HLCS: variants seen among roughly 807,000 people sequenced by gnomAD.
HLCS encodes the protein biotin--protein ligase.
In HLCS, 53 loss-of-function variants were observed where a neutral mutation model predicts 75.0. That is an observed-to-expected ratio of 0.71 (90% CI 0.57 to 0.89). The LOEUF (loss-of-function observed/expected upper bound fraction) is 0.89. Ranked by LOEUF, HLCS falls within the 40% of genes least tolerant of loss-of-function variation. The pLI is 0.00. For missense variants in HLCS, 966 were observed against 1,074.0 expected, an observed-to-expected ratio of 0.90 and a Z score of 1.41; for synonymous variants, 431 against 428.6, an observed-to-expected ratio of 1.01 and a Z score of -0.07.
intron 6 of HLCS, among the ~76,000 whole-genome samples, chr21:36,809,255 T>C (rs1307440213): frequency 6.6e-6 from 1 of 152,168 alleles, no homozygotes. Flanking sequence ...TGATTCTCTT[T>C]CAGTACCTTG....
rs1271807399 is a variant in HLCS at position 36,767,290 on chromosome 21, C to G, written c.1893-5G>C. 1 of 1,614,062 alleles carries G rather than the reference C, an allele frequency of 6.2e-7. No homozygotes were observed. The highest frequency in any genetic ancestry group is 1.7e-5 in the Admixed American group (1 of 60,010). ...TGCGGTGTCTGAAACATCAGCCTGC[C>G]GAAGAGGGGGAAAGACCGGTTAGGC... On this transcript the variant is annotated splice_polypyrimidine_tract_variant and splice_region_variant and intron_variant, in intron 6 of 10. Coordinates refer to ENST00000674895, the MANE Select transcript of HLCS (RefSeq NM_001352514.2).
chr21:36,831,214 A>G (rs2062197946), intron 6 of HLCS, among the ~76,000 whole-genome samples: 1 of 152,188 alleles, frequency 6.6e-6, no homozygotes, highest in African/African-American at 2.4e-5. Flanking sequence ...TAAGAGATGT[A>G]GGGTTCTCCT....
chr21:36,903,354 A>G (rs2065317651), intron 5 of HLCS, among the ~76,000 whole-genome samples: 1 of 152,046 alleles, frequency 6.6e-6, no homozygotes, highest in Non-Finnish European at 1.5e-5. Flanking sequence ...TCTGCCCCTA[A>G]AACTTTGGTC....
intron 6 of HLCS, among the ~76,000 whole-genome samples, chr21:36,839,360 G>A (rs2062536912): frequency 6.9e-6 from 1 of 144,068 alleles, no homozygotes; most frequent in Non-Finnish European, 1.6e-5. Flanking sequence ...CACATGCTAG[G>A]AGGTAGCCTG....
At chr21:36,779,953 C>T (rs1246314219) in intron 6 of HLCS, among the ~76,000 whole-genome samples, 4 of 152,142 alleles carry the variant, frequency 2.6e-5, no homozygotes, top group Admixed American at 2.6e-4. Context: ...TTTCTGTAAA[C>T]CACAAATCAA....
chr21:36,817,772 C>T (rs534423051), intron 6 of HLCS, among the ~76,000 whole-genome samples: 5 of 152,310 alleles, frequency 3.3e-5, no homozygotes, highest in South Asian at 2.1e-4. Context: ...TTGTGTCAGA[C>T]GCTTTCAAAG....
At chr21:36,823,970 G>A (rs796513751) in intron 6 of HLCS, among the ~76,000 whole-genome samples, 9 of 152,194 alleles carry the variant, frequency 5.9e-5, no homozygotes, top group African/African-American at 2.2e-4. Context: ...GAGAGTAGAG[G>A]ACAATGAGTA....
chr21:36,935,176 A>G (rs192865963), intron 4 of HLCS, among the ~76,000 whole-genome samples: 2 of 152,334 alleles, frequency 1.3e-5, no homozygotes, highest in South Asian at 2.1e-4. Context: ...GGATTTTCTG[A>G]GAATATGCAG....
intron 6 of HLCS, among the ~76,000 whole-genome samples, chr21:36,794,027 C>A (rs940843531): frequency 5.9e-5 from 9 of 152,254 alleles, no homozygotes; most frequent in African/African-American, 2.2e-4. Context: ...TTAGCTTCTA[C>A]TAAGGACGAG....
At chr21:36,923,838 C>T (rs1039778533) in intron 5 of HLCS, among the ~76,000 whole-genome samples, 1 of 152,088 alleles carries the variant, frequency 6.6e-6, no homozygotes, top group Admixed American at 6.6e-5. Context: ...AACAGGAAGT[C>T]AGTCAAAATG....
At chr21:36,863,951 A>G (rs2063468327) in intron 6 of HLCS, among the ~76,000 whole-genome samples, 1 of 152,244 alleles carries the variant, frequency 6.6e-6, no homozygotes, top group Admixed American at 6.5e-5. Flanking sequence ...TTAAGTTCAC[A>G]TAAAAGTTTT....
chr21:36,940,518 T>C (rs2067096342), intron 2 of HLCS, among the ~76,000 whole-genome samples: 2 of 152,098 alleles, frequency 1.3e-5, no homozygotes, highest in Admixed American at 6.6e-5. Context: ...ATTTTAGAAC[T>C]AACTCCTCCT....
At chr21:36,815,811 C>T (rs146892305) in intron 6 of HLCS, among the ~76,000 whole-genome samples, 17 of 152,248 alleles carry the variant, frequency 1.1e-4, no homozygotes, top group African/African-American at 4.1e-4. Context: ...AACTGAGACT[C>T]CAGGGCAAAT....
intron 2 of HLCS, among the ~76,000 whole-genome samples, chr21:36,940,331 T>C (rs184720747): frequency 1.1e-4 from 16 of 152,286 alleles, no homozygotes; most frequent in African/African-American, 3.4e-4. Context: ...TTTTATTCCA[T>C]TTTTATTTAT....
At position 36,859,478 on chromosome 21, in the gene HLCS, C is replaced by T. The variant is rs116414297; in HGVS notation, c.1892+37382G>A. ...AGCTCTCCCCACTCTGCAAACTCCA[C>T]TGGGACCCCCACAGGGTCCACAAGA... On this transcript the variant is annotated intron_variant, in intron 6 of 10. Transcript: ENST00000674895. Among the ~76,000 whole-genome samples, 627 of 152,368 alleles carry T rather than the reference C, an allele frequency of 4.1e-3. 4 individuals carry two copies. The highest frequency in any genetic ancestry group is 0.014 in the African/African-American group (598 of 41,586).
intron 6 of HLCS, among the ~76,000 whole-genome samples, chr21:36,805,829 T>C (rs1294114678): frequency 3.9e-5 from 6 of 152,200 alleles, no homozygotes; most frequent in African/African-American, 1.2e-4. Context: ...GACGTCCACT[T>C]CATGAAGTAG....
intron 1 of HLCS, among the ~76,000 whole-genome samples, chr21:36,987,791 C>T (rs2069254970): frequency 6.6e-6 from 1 of 152,112 alleles, no homozygotes; most frequent in Non-Finnish European, 1.5e-5. Flanking sequence ...GTGAGGATCC[C>T]AGCTCCCAAG....
chr21:36,936,911 C>G lies in HLCS; in HGVS notation c.975G>C (p.Arg325=). 1 of 1,614,182 alleles carries G rather than the reference C, an allele frequency of 6.2e-7. No homozygotes were observed. Among genetic ancestry groups the G allele is most frequent in the Non-Finnish European group, 8.5e-7 (1 of 1,180,038 alleles). The change falls in exon 4 of 11, where the codon CGG becomes CGC. Residue 325 remains arginine (R), a synonymous_variant. Transcript: ENST00000674895. ...VGSDSQEALG[R]FHEVRSVLAD... ...CCAGCACAGACCGGACCTCGTGGAACCGGCCGAGGGCTTCCTGGGAGTCGG... is the reference window on the plus strand; with the variant it reads ...CCAGCACAGACCGGACCTCGTGGAAGCGGCCGAGGGCTTCCTGGGAGTCGG...
chr21:36,772,337 T>G (rs1192164104), intron 6 of HLCS, among the ~76,000 whole-genome samples: 2 of 152,072 alleles, frequency 1.3e-5, no homozygotes, highest in Non-Finnish European at 2.9e-5. Context: ...ACGATATGTA[T>G]TTATAGAAAA....
Sources: gnomAD v4.1 joint callset for allele counts (sites outside exome capture counted in the v4.1 genomes callset) on GRCh38, gnomAD v4.1.1 for gene constraint, MANE v1.5 for transcripts, NCBI Gene and HGNC (gene_info 2026-07-23, HGNC 2026-07-21) for gene names.